PDE10A: variants seen among roughly 807,000 people sequenced by gnomAD.
PDE10A encodes cAMP and cAMP-inhibited cGMP 3',5'-cyclic phosphodiesterase 10A.
A neutral mutation model predicts 97.7 loss-of-function variants in PDE10A; 39 were observed. The ratio of observed to expected loss-of-function variants is 0.40; its 90% CI spans 0.31 to 0.52. The LOEUF (loss-of-function observed/expected upper bound fraction) is 0.52, where lower values mean the gene tolerates loss of function less well. PDE10A is among the 20% of genes least tolerant of loss of function. The probability of loss-of-function intolerance (pLI) is 0.56; values close to 1 mark genes in which losing one functional copy is unlikely to be tolerated. For synonymous variants in PDE10A, 371 were observed against 376.8 expected, an observed-to-expected ratio of 0.98 and a Z score of 0.18; for missense variants, 731 against 1,047.8, an observed-to-expected ratio of 0.70 and a Z score of 4.17.
At chr6:165,962,354 G>A (rs113073601) in intron 1 of PDE10A, among the ~76,000 whole-genome samples, 5 of 152,198 alleles carry the variant, frequency 3.3e-5, no homozygotes, top group South Asian at 4.1e-4. Context: ...GAGTGGCTCC[G>A]GGGCTGGTCC....
rs953396919 is a variant in PDE10A, at chr6:165,715,761, C to T, written c.-614-172193G>A. ...AGAAAGCAAAGGACCCTCAATCACT[C>T]GACAGTAGGGGGACGTCCCTCTTCC... is the stretch of plus-strand genomic sequence containing the variant. On this transcript the variant is annotated intron_variant, in intron 1 of 19. Coordinates refer to the PDE10A transcript ENST00000366882. Among the ~76,000 whole-genome samples, 13 of 152,192 alleles carry T rather than the reference C, an allele frequency of 8.5e-5. No individual in the cohort carries two copies. The East Asian group carries it at 2.1e-3, about 25-fold the overall frequency.
At chr6:165,710,082 C>T (rs1387109219) in intron 1 of PDE10A, among the ~76,000 whole-genome samples, 1 of 152,106 alleles carries the variant, frequency 6.6e-6, no homozygotes, top group Non-Finnish European at 1.5e-5. Context: ...CTGCTCTTCT[C>T]TCCACTGGAC....
chr6:165,748,750 G>C (rs990105273), intron 1 of PDE10A, among the ~76,000 whole-genome samples: 1 of 152,156 alleles, frequency 6.6e-6, no homozygotes, highest in Non-Finnish European at 1.5e-5. Context: ...AATGCACACA[G>C]TGCGTGAAGT....
At chr6:165,363,241 G>C (rs752115791) in intron 18 of PDE10A, among the ~76,000 whole-genome samples, 1 of 152,162 alleles carries the variant, frequency 6.6e-6, no homozygotes, top group Non-Finnish European at 1.5e-5. Context: ...AATGGGCCAG[G>C]TGCCATGACT....
At chr6:165,823,523 T>TATATA (rs1779638721) in intron 1 of PDE10A, among the ~76,000 whole-genome samples, 1 of 94,308 alleles carries the variant, frequency 1.1e-5, no homozygotes, top group Admixed American at 1.1e-4. Context: ...TATATATATA[T>TATATA]ATGAACCTTA....
At chr6:165,492,015 C>T (rs895703651) in intron 2 of PDE10A, among the ~76,000 whole-genome samples, 2 of 151,774 alleles carry the variant, frequency 1.3e-5, no homozygotes, top group South Asian at 2.1e-4. Context: ...CAATAAGAAA[C>T]AAACGGGAGC....
At chr6:165,968,231 T>C (rs1489754998) in intron 1 of PDE10A, among the ~76,000 whole-genome samples, 1 of 152,236 alleles carries the variant, frequency 6.6e-6, no homozygotes, top group East Asian at 1.9e-4. Flanking sequence ...GCGAAGAGTA[T>C]TGTGCAGGAT....
chr6:165,657,992 T>C (rs1229237783), intron 1 of PDE10A, among the ~76,000 whole-genome samples: 1 of 152,146 alleles, frequency 6.6e-6, no homozygotes, highest in African/African-American at 2.4e-5. Context: ...TTAATCTCCC[T>C]CAAACAATTT....
chr6:165,553,823 A>G (rs1184180723), intron 1 of PDE10A, among the ~76,000 whole-genome samples: 1 of 152,238 alleles, frequency 6.6e-6, no homozygotes. Context: ...GAGCTGCTCA[A>G]AATGATAACA....
At chr6:165,652,153 C>T (rs928684671) in intron 1 of PDE10A, among the ~76,000 whole-genome samples, 1 of 152,154 alleles carries the variant, frequency 6.6e-6, no homozygotes. Context: ...AACTTCTGGT[C>T]CTGGGACACC....
At chr6:165,792,005 C>G (rs1024438115) in intron 1 of PDE10A, among the ~76,000 whole-genome samples, 1 of 152,190 alleles carries the variant, frequency 6.6e-6, no homozygotes, top group Non-Finnish European at 1.5e-5. Flanking sequence ...CAGATGGAAT[C>G]GATCGGCTGG....
intron 1 of PDE10A, among the ~76,000 whole-genome samples, chr6:165,714,460 A>G (rs1002838521): frequency 5.9e-5 from 9 of 152,146 alleles, no homozygotes; most frequent in African/African-American, 9.7e-5. Context: ...CTTTCTTTCC[A>G]AAATAAGAGG....
chr6:165,895,847 A>G (rs1781928971), intron 1 of PDE10A, among the ~76,000 whole-genome samples: 1 of 152,096 alleles, frequency 6.6e-6, no homozygotes, highest in Non-Finnish European at 1.5e-5. Context: ...GAGATGATGA[A>G]TTGTCCACCA....
At chr6:165,563,952 T>A (rs1784650071) in intron 1 of PDE10A, among the ~76,000 whole-genome samples, 1 of 150,958 alleles carries the variant, frequency 6.6e-6, no homozygotes, top group African/African-American at 2.4e-5. Flanking sequence ...CCTACAGATA[T>A]AAACACAAAC....
intron 19 of PDE10A, among the ~76,000 whole-genome samples, chr6:165,339,822 C>A (rs1486040841): frequency 6.6e-6 from 1 of 152,174 alleles, no homozygotes; most frequent in Middle Eastern, 3.2e-3. Flanking sequence ...CGCAGTACAA[C>A]AAACTACACA....
intron 1 of PDE10A, among the ~76,000 whole-genome samples, chr6:165,617,856 G>A (rs1222474208): frequency 1.3e-5 from 2 of 152,136 alleles, no homozygotes; most frequent in African/African-American, 4.8e-5. Context: ...CAGTGGTAAA[G>A]TCAAGTGTCA....
chr6:165,784,602 C>A (rs1583084564), intron 1 of PDE10A, among the ~76,000 whole-genome samples: 1 of 152,120 alleles, frequency 6.6e-6, no homozygotes, highest in African/African-American at 2.4e-5. Context: ...CAAACAGCTC[C>A]CTTCTGATGG....
chr6:165,461,390 G>A lies in PDE10A; in HGVS notation c.1024-11028C>T, dbSNP rs187413896. On this transcript the variant is annotated intron_variant, in intron 3 of 21. Coordinates refer to ENST00000539869, the MANE Select transcript of PDE10A (RefSeq NM_001385079.1). ...AAGCGTTTTCATTGTTTTACAGATG[G>A]ATCTAGTAATGGAAAAGCTTCTTAT... 3.1e-3 allele frequency among the ~76,000 whole-genome samples: 472 copies of A among 152,218 alleles called. 4 individuals carry two copies. Among genetic ancestry groups the A allele is most frequent in the Non-Finnish European group, 5.0e-3 (343 of 68,012 alleles).
At chr6:165,769,838 G>A (rs1245273335) in intron 1 of PDE10A, among the ~76,000 whole-genome samples, 7 of 152,154 alleles carry the variant, frequency 4.6e-5, no homozygotes, top group Admixed American at 4.6e-4. Flanking sequence ...GTTAGCCTTA[G>A]TGAGTTTCTG....
Sources: gnomAD v4.1 joint callset for allele counts (sites outside exome capture counted in the v4.1 genomes callset) on GRCh38, gnomAD v4.1.1 for gene constraint, MANE v1.5 for transcripts, NCBI Gene and HGNC (gene_info 2026-07-23, HGNC 2026-07-21) for gene names.